ALLC: variants seen among roughly 807,000 people sequenced by gnomAD.
ALLC encodes the protein probable inactive allantoicase.
ALLC carries 40 observed loss-of-function variants against 45.0 expected under a neutral mutation model. That is an observed-to-expected ratio of 0.89 (90% confidence interval 0.69 to 1.16). The LOEUF (loss-of-function observed/expected upper bound fraction) is 1.16, where lower values mean the gene tolerates loss of function less well. Ranked by LOEUF, ALLC falls within the 50% of genes most tolerant of loss-of-function variation. The probability of loss-of-function intolerance (pLI) is 0.00; values close to 1 mark genes in which losing one functional copy is unlikely to be tolerated. For synonymous variants in ALLC, 176 were observed against 178.1 expected, an observed-to-expected ratio of 0.99 and a Z score of 0.09; for missense variants, 488 against 493.1, an observed-to-expected ratio of 0.99 and a Z score of 0.10.
chr2:3,697,695 TTG>T (rs1667717844), intron 10 of ALLC, among the ~76,000 whole-genome samples: 2 of 152,138 alleles, frequency 1.3e-5, no homozygotes, highest in Non-Finnish European at 2.9e-5. Flanking sequence ...AGATGGAGTC[TTG>T]CTGTGTCGCC....
intron 6 of ALLC, 137 bp from the exon 7 acceptor site, chr2:3,682,805 G>A (rs184621280): frequency 2.3e-5 from 20 of 873,026 alleles, no homozygotes; most frequent in Middle Eastern, 2.9e-4. Flanking sequence ...GATTACAGGC[G>A]TGAGCCACCG....
chr2:3,671,310 C>A, intron 2 of ALLC, 120 bp downstream of exon 2: 3 of 1,124,816 alleles, frequency 2.7e-6, no homozygotes, highest in Non-Finnish European at 3.9e-6. Context: ...GTTGGCCTGC[C>A]CAAGGAAACC....
intron 2 of ALLC, among the ~76,000 whole-genome samples, chr2:3,672,433 A>G (rs963882773): frequency 7.5e-6 from 1 of 133,186 alleles, no homozygotes; most frequent in Admixed American, 7.2e-5. Context: ...CTCTGGTTAG[A>G]TGGGAGGTCC....
At chr2:3,678,435 T>G in intron 3 of ALLC, 33 bp from the exon 4 acceptor site, 3 of 1,555,062 alleles carry the variant, frequency 1.9e-6, no homozygotes, top group Non-Finnish European at 2.7e-6. Context: ...CACATGAATG[T>G]TAATGATCAC....
intron 7 of ALLC, among the ~76,000 whole-genome samples, chr2:3,686,208 T>C (rs1317147483): frequency 1.3e-5 from 2 of 151,116 alleles, no homozygotes; most frequent in African/African-American, 4.8e-5. Flanking sequence ...GTTATCTAGT[T>C]TCCCCAGCAC....
At position 3,702,447 on chromosome 2, in the gene ALLC, C is replaced by G. The variant is rs201064176; in HGVS notation, c.1060C>G (p.Pro354Ala). The change falls in exon 12 of 12, where the codon CCC becomes GCC. Residue 354 changes from proline to alanine, a missense_variant. By Grantham distance (27) the Pro-to-Ala change is conservative. Transcript: ENST00000252505. The stretch of plus-strand genomic sequence containing the variant: ...CACTCACGCCAGGCTCACCATCGTC[C>G]CCGACGGGGGAGTGAGCCGCCTTCG... ...VITHARLTIV[P>A]DGGVSRLRLR... The G allele has an allele frequency of 1.1e-4, 172 of 1,612,948 alleles. No homozygotes were observed. In the African/African-American group the frequency reaches 2.1e-3, roughly 20 times the overall value.
chr2:3,694,372 G>T (rs1667602390), intron 7 of ALLC, among the ~76,000 whole-genome samples: 1 of 152,214 alleles, frequency 6.6e-6, no homozygotes, highest in African/African-American at 2.4e-5. Flanking sequence ...GGGAAAGGAA[G>T]CTGGGGAAAC....
intron 2 of ALLC, among the ~76,000 whole-genome samples, chr2:3,672,659 C>T (rs1289742370): frequency 6.9e-6 from 1 of 144,978 alleles, no homozygotes; most frequent in Non-Finnish European, 1.5e-5. Flanking sequence ...TCCTCTGGCT[C>T]TGGTTAGATG....
chr2:3,652,580 ATTTTTT>A, the ALLC span, among the ~76,000 whole-genome samples: 33 of 93,352 alleles, frequency 3.5e-4, no homozygotes, highest in South Asian at 3.4e-3. Flanking sequence ...AAACTTTGTG[ATTTTTT>A]TTTTTTTTTT....
chr2:3,693,389 AAAT>A (rs1309681882), intron 7 of ALLC, among the ~76,000 whole-genome samples: 2 of 152,252 alleles, frequency 1.3e-5, no homozygotes, highest in Non-Finnish European at 2.9e-5. Context: ...TTACTCACTG[AAAT>A]AATCTATTCT....
chr2:3,702,335 A>C (rs532969942), intron 11 of ALLC, 28 bp from the exon 12 acceptor site: 2 of 1,607,324 alleles, frequency 1.2e-6, no homozygotes, highest in South Asian at 2.2e-5. Context: ...TTAACAGACT[A>C]GGACCTCTGC....
chr2:3,697,621 G>GTCTATCTGTCTA (rs1667711228), intron 10 of ALLC, among the ~76,000 whole-genome samples, 165 bp downstream of exon 10: 1 of 125,326 alleles, frequency 8.0e-6, no homozygotes, highest in Non-Finnish European at 1.8e-5. Flanking sequence ...CTGTCTGTCT[G>GTCTATCTGTCTA]TCTATCTATC....
In ALLC at chr2:3,701,864, C is replaced by T. The variant is rs191343511; in HGVS notation, c.975+228C>T. Among the ~76,000 whole-genome samples the T allele has an allele frequency of 4.6e-4, 70 of 152,286 alleles. 1 individual carries two copies. The highest frequency in any genetic ancestry group is 1.6e-3 in the African/African-American group (68 of 41,566). ...AATTGTTAAATGTTCAGAATACATA[C>T]GTGGAAACATGTCTCTGCATCATGT... On this transcript the variant is annotated intron_variant, in intron 11 of 11. Coordinates refer to ENST00000252505, the MANE Select transcript of ALLC (RefSeq NM_018436.4).
At chr2:3,651,328 T>G in the ALLC span, among the ~76,000 whole-genome samples, 30 of 862 alleles carry the variant, frequency 0.035, 4 homozygotes, top group African/African-American at 0.1. Flanking sequence ...GGGGTGTGTG[T>G]GTGTGTGTGT....
At chr2:3,660,085 C>T (rs1182481507) in intron 1 of ALLC, among the ~76,000 whole-genome samples, 2 of 152,294 alleles carry the variant, frequency 1.3e-5, no homozygotes, top group South Asian at 4.1e-4. Context: ...GGAGGTGGGG[C>T]CCAGCGGGAG....
intron 3 of ALLC, among the ~76,000 whole-genome samples, chr2:3,675,146 C>T (rs554309741): frequency 7.9e-5 from 12 of 152,268 alleles, no homozygotes; most frequent in African/African-American, 2.9e-4. Flanking sequence ...AATCCCAGCA[C>T]TTTGGGAAGC....
the ALLC span, among the ~76,000 whole-genome samples, chr2:3,647,849 T>G: frequency 2.0e-5 from 3 of 152,232 alleles, no homozygotes; most frequent in Non-Finnish European, 4.4e-5. Context: ...GCAACCCAGC[T>G]GCGGTCAGGC....
At chr2:3,683,283 T>C (rs1042795056) in intron 7 of ALLC, among the ~76,000 whole-genome samples, 12 of 152,220 alleles carry the variant, frequency 7.9e-5, no homozygotes, top group African/African-American at 2.9e-4. Context: ...TCAAGTAAAT[T>C]AGGATGTGGT....
the ALLC span, among the ~76,000 whole-genome samples, chr2:3,652,874 G>A: frequency 1.3e-5 from 2 of 152,144 alleles, no homozygotes; most frequent in Non-Finnish European, 2.9e-5. Context: ...GAGCCACCAC[G>A]CCTGGCCAAA....
Sources: allele counts gnomAD v4.1 joint callset (sites outside exome capture counted in the v4.1 genomes callset), GRCh38; gene constraint gnomAD v4.1.1; transcripts MANE v1.5; gene names NCBI Gene and HGNC (gene_info 2026-07-23, HGNC 2026-07-21).